RBBP8: variants seen among roughly 807,000 people sequenced by gnomAD.
RBBP8 encodes RB binding protein 8, endonuclease, also known as DNA endonuclease RBBP8.
RBBP8 carries 88 observed loss-of-function variants against 108.3 expected under a neutral mutation model. That is an observed-to-expected ratio of 0.81 (90% CI 0.68 to 0.97). The LOEUF is 0.97. Ranked by LOEUF, RBBP8 falls within the 50% of genes least tolerant of loss-of-function variation. The pLI, the probability that RBBP8 is intolerant of heterozygous loss-of-function variation, is 0.00. For synonymous variants in RBBP8, 332 were observed against 348.2 expected (o/e 0.95, Z 0.52); for missense variants, 1,023 against 1,049.0 (o/e 0.98, Z 0.34).
At chr18:22,938,795 G>A (rs758595879) in intron 2 of RBBP8, among the ~76,000 whole-genome samples, 7 of 152,108 alleles carry the variant, frequency 4.6e-5, no homozygotes, top group African/African-American at 9.7e-5. Context: ...TGACAAACCC[G>A]TAGCACTGAA....
At chr18:23,009,842 A>G (rs1598740598) in intron 16 of RBBP8, among the ~76,000 whole-genome samples, 2 of 152,110 alleles carry the variant, frequency 1.3e-5, no homozygotes, top group South Asian at 4.1e-4. Context: ...GCTCACTGCA[A>G]CCTCCACCTC....
At chr18:22,982,116 C>T (rs1229706290) in intron 6 of RBBP8, 102 bp from the exon 7 acceptor site, 2 of 1,324,242 alleles carry the variant, frequency 1.5e-6, no homozygotes, top group Middle Eastern at 3.8e-4. Context: ...GGATTACATC[C>T]CTTAGAGCTT....
chr18:22,923,074 T>A (rs1909660646), intron 3 of RBBP8, among the ~76,000 whole-genome samples: 1 of 152,240 alleles, frequency 6.6e-6, no homozygotes, highest in Non-Finnish European at 1.5e-5. Context: ...GAGATCTGAT[T>A]AGCTGTAGCT....
At chr18:22,964,779 G>A (rs980746424) in intron 4 of RBBP8, among the ~76,000 whole-genome samples, 4 of 151,930 alleles carry the variant, frequency 2.6e-5, no homozygotes, top group African/African-American at 7.2e-5. Context: ...ACAGGCATGG[G>A]CTGCCACACC....
intron 16 of RBBP8, among the ~76,000 whole-genome samples, chr18:23,011,030 A>G (rs561286524): frequency 6.6e-6 from 1 of 152,324 alleles, no homozygotes; most frequent in African/African-American, 2.4e-5. Flanking sequence ...TTGTGGCAAT[A>G]TTTTTTGTGT....
At chr18:22,967,297 C>T (rs796806031) in intron 4 of RBBP8, among the ~76,000 whole-genome samples, 28 of 146,354 alleles carry the variant, frequency 1.9e-4, no homozygotes, top group African/African-American at 6.0e-4. Flanking sequence ...ACCCAGGAGG[C>T]GGAGCTTGCA....
chr18:22,932,388 T>C (rs189716329), upstream of RBBP8, among the ~76,000 whole-genome samples: 83 of 152,356 alleles, frequency 5.4e-4, no homozygotes, highest in African/African-American at 1.9e-3. Flanking sequence ...TTAAGTCTTA[T>C]AAAATGGGGA....
At chr18:23,021,503 A>T (rs935207234) in intron 17 of RBBP8, among the ~76,000 whole-genome samples, 5 of 152,204 alleles carry the variant, frequency 3.3e-5, no homozygotes, top group Non-Finnish European at 7.3e-5. Context: ...AAAAACCTGT[A>T]CAATTTTTAC....
At chr18:22,974,136 A>C (rs145155809) in intron 5 of RBBP8, among the ~76,000 whole-genome samples, 132 of 152,310 alleles carry the variant, frequency 8.7e-4, no homozygotes, top group African/African-American at 3.0e-3. Flanking sequence ...AGTTGATTGT[A>C]TTTACTGTGA....
intron 4 of RBBP8, among the ~76,000 whole-genome samples, chr18:22,952,514 T>C (rs1222282558): frequency 6.6e-6 from 1 of 152,156 alleles, no homozygotes; most frequent in Non-Finnish European, 1.5e-5. Flanking sequence ...TTAAATGAGA[T>C]AATGGAAGCA....
intron 5 of RBBP8, among the ~76,000 whole-genome samples, chr18:22,970,684 C>T (rs1444484340): frequency 6.6e-6 from 1 of 152,100 alleles, no homozygotes; most frequent in Non-Finnish European, 1.5e-5. Context: ...GGGTGAATGG[C>T]TTATTTATTC....
chr18:22,914,941 C>T (rs887781930), intron 1 of RBBP8, among the ~76,000 whole-genome samples: 1 of 152,100 alleles, frequency 6.6e-6, no homozygotes, highest in African/African-American at 2.4e-5. Context: ...ATACCTGGAT[C>T]TTCCTTTCAT....
At chr18:22,944,985 G>T (rs1911428073) in intron 2 of RBBP8, among the ~76,000 whole-genome samples, 1 of 152,098 alleles carries the variant, frequency 6.6e-6, no homozygotes, top group East Asian at 1.9e-4. Flanking sequence ...TCTTAGGAAT[G>T]ATAAATATAT....
intron 4 of RBBP8, among the ~76,000 whole-genome samples, chr18:22,952,615 C>T (rs1275436052): frequency 6.6e-6 from 1 of 152,096 alleles, no homozygotes; most frequent in African/African-American, 2.4e-5. Context: ...TGTTATATAA[C>T]ACAGCCATGT....
intron 2 of RBBP8, among the ~76,000 whole-genome samples, chr18:22,937,404 A>G (rs999081459): frequency 1.3e-5 from 2 of 151,918 alleles, no homozygotes; most frequent in African/African-American, 2.4e-5. Flanking sequence ...ATTGTATTCC[A>G]TGATGTATAT....
At chr18:22,944,199 A>G (rs1911348098) in intron 2 of RBBP8, among the ~76,000 whole-genome samples, 1 of 152,248 alleles carries the variant, frequency 6.6e-6, no homozygotes, top group African/African-American at 2.4e-5. Context: ...ACACACACAC[A>G]TATACACATA....
At chr18:22,958,146 C>T (rs974576272) in intron 4 of RBBP8, among the ~76,000 whole-genome samples, 5 of 152,162 alleles carry the variant, frequency 3.3e-5, no homozygotes, top group African/African-American at 1.2e-4. Context: ...TCAAGGTTGA[C>T]AATAGTTATC....
At chr18:22,965,500 A>G (rs1913506319) in intron 4 of RBBP8, among the ~76,000 whole-genome samples, 1 of 152,108 alleles carries the variant, frequency 6.6e-6, no homozygotes, top group South Asian at 2.1e-4. Context: ...GCTGACTCCC[A>G]GTGTTCTTGG....
intron 16 of RBBP8, among the ~76,000 whole-genome samples, chr18:23,009,699 AT>A (rs1341513404): frequency 2.0e-5 from 3 of 152,238 alleles, no homozygotes; most frequent in East Asian, 3.9e-4. Context: ...ATCCTAAAAA[AT>A]AGAAGCAAAT....
Sources: gnomAD v4.1 joint callset for allele counts (sites outside exome capture counted in the v4.1 genomes callset) on GRCh38, gnomAD v4.1.1 for gene constraint, MANE v1.5 for transcripts, NCBI Gene and HGNC (gene_info 2026-07-23, HGNC 2026-07-21) for gene names.